The following LAMA2 variants were observed in gnomAD, a reference collection of about 807,000 sequenced individuals.
LAMA2 encodes the protein laminin subunit alpha 2, also known as laminin subunit alpha-2.
LAMA2 carries 269 observed loss-of-function variants against 364.8 expected under a neutral mutation model. That is an observed-to-expected ratio of 0.74 (90% CI 0.67 to 0.82). The LOEUF is 0.82. Among genes scored for constraint, LAMA2 ranks in the 40% least tolerant of loss-of-function variants. LAMA2 has a pLI of 0.00. For missense variants in LAMA2, 3,807 were observed against 3,873.2 expected (o/e 0.98, Z 0.45); for synonymous variants, 1,379 against 1,370.6 (o/e 1.01, Z -0.14).
At chr6:129,338,900 A>T (rs993110407) in intron 29 of LAMA2, among the ~76,000 whole-genome samples, 3 of 148,386 alleles carry the variant, frequency 2.0e-5, no homozygotes, top group Admixed American at 6.7e-5. Flanking sequence ...CCATGTGGCT[A>T]CGGCATTATA....
intron 40 of LAMA2, among the ~76,000 whole-genome samples, chr6:129,410,710 C>T (rs1338456656): frequency 3.2e-4 from 45 of 139,840 alleles, no homozygotes; most frequent in African/African-American, 8.6e-4. Flanking sequence ...GGATGATAGA[C>T]AGATTAGATA....
chr6:129,445,401 T>A (rs191038053), intron 44 of LAMA2, among the ~76,000 whole-genome samples: 1 of 152,342 alleles, frequency 6.6e-6, no homozygotes, highest in African/African-American at 2.4e-5. Flanking sequence ...AATTAAGTTC[T>A]TCATATTCTC....
At chr6:128,990,819 G>A (rs984811095) in intron 1 of LAMA2, among the ~76,000 whole-genome samples, 3 of 152,062 alleles carry the variant, frequency 2.0e-5, no homozygotes, top group Non-Finnish European at 4.4e-5. Flanking sequence ...AGCTGCAAGT[G>A]AAGACTTGTC....
intron 3 of LAMA2, among the ~76,000 whole-genome samples, chr6:129,063,713 G>T (rs1789092845): frequency 6.6e-6 from 1 of 152,092 alleles, no homozygotes; most frequent in South Asian, 2.1e-4. Context: ...CAGCTACAGA[G>T]ATCACACTCC....
At chr6:129,268,565 A>G (rs559939445) in intron 16 of LAMA2, among the ~76,000 whole-genome samples, 93 of 152,204 alleles carry the variant, frequency 6.1e-4, no homozygotes, top group African/African-American at 1.8e-3. Flanking sequence ...AAAGCAAATT[A>G]GTCCATTTGT....
At chr6:129,353,019 A>C in intron 31 of LAMA2, 145 bp from the exon 32 acceptor site, 1 of 585,898 alleles carries the variant, frequency 1.7e-6, no homozygotes, top group African/African-American at 1.9e-5. Context: ...CCTACTGTTT[A>C]CTATCTGACC....
intron 23 of LAMA2, among the ~76,000 whole-genome samples, chr6:129,313,367 TA>T (rs1774353717): frequency 6.6e-6 from 1 of 152,182 alleles, no homozygotes; most frequent in Non-Finnish European, 1.5e-5. Context: ...AGTGATTTTT[TA>T]AAAAATATAT....
At chr6:129,425,292 G>A (rs906990948) in intron 40 of LAMA2, among the ~76,000 whole-genome samples, 1 of 151,986 alleles carries the variant, frequency 6.6e-6, no homozygotes, top group Non-Finnish European at 1.5e-5. Context: ...AACAGTATTA[G>A]TCATCTCTGG....
chr6:129,349,626 T>G (rs940258539), intron 31 of LAMA2, among the ~76,000 whole-genome samples: 1 of 151,276 alleles, frequency 6.6e-6, no homozygotes, highest in Non-Finnish European at 1.5e-5. Flanking sequence ...ATCTAACTTA[T>G]GCTTTAGTAT....
chr6:129,220,981 G>A (rs1455776986), intron 12 of LAMA2, among the ~76,000 whole-genome samples: 1 of 152,048 alleles, frequency 6.6e-6, no homozygotes, highest in Non-Finnish European at 1.5e-5. Context: ...TGCCAACGCG[G>A]TGAAACCCTG....
intron 3 of LAMA2, among the ~76,000 whole-genome samples, chr6:129,089,026 T>C (rs1242674377): frequency 6.6e-6 from 1 of 152,176 alleles, no homozygotes; most frequent in East Asian, 1.9e-4. Context: ...TGGGCAACAT[T>C]GAGCACTGAG....
At chr6:129,386,796 C>A (rs1173830888) in intron 35 of LAMA2, among the ~76,000 whole-genome samples, 1 of 152,098 alleles carries the variant, frequency 6.6e-6, no homozygotes, top group African/African-American at 2.4e-5. Flanking sequence ...TAAAGTAGCA[C>A]ACATACCAAA....
intron 1 of LAMA2, among the ~76,000 whole-genome samples, chr6:128,922,230 G>A (rs1778785186): frequency 6.6e-6 from 1 of 150,982 alleles, no homozygotes; most frequent in African/African-American, 2.4e-5. Context: ...CCCAGTAATG[G>A]GATGGCTGGG....
intron 1 of LAMA2, among the ~76,000 whole-genome samples, chr6:129,016,465 T>A (rs1206301812): frequency 2.0e-5 from 3 of 152,014 alleles, no homozygotes; most frequent in Non-Finnish European, 4.4e-5. Context: ...AAATATTTCA[T>A]AGTATCATAA....
Position 129,342,465 on chromosome 6 carries a change from CAAGT to C in LAMA2, c.4436+2_4436+5del, listed in dbSNP as rs747402508. 1 of 1,612,736 alleles carries C rather than the reference CAAGT, an allele frequency of 6.2e-7. No homozygotes were observed. Among genetic ancestry groups the C allele is most frequent in the Non-Finnish European group, 8.5e-7 (1 of 1,179,060 alleles). ...CCTGCCCTCTGATTTCTTCCAGTAACAAGTAAGATTGAGAAATATAACCATATTT... is the reference window on the plus strand; with the variant it reads ...CCTGCCCTCTGATTTCTTCCAGTAACAAGATTGAGAAATATAACCATATTT... On this transcript the variant is annotated splice_donor_variant and coding_sequence_variant, in exon 30 of 65. Coordinates refer to ENST00000421865, the MANE Select transcript of LAMA2 (RefSeq NM_000426.4). LOFTEE classifies it high-confidence loss of function.
At chr6:129,143,622 G>T (rs1244810558) in intron 4 of LAMA2, among the ~76,000 whole-genome samples, 1 of 151,992 alleles carries the variant, frequency 6.6e-6, no homozygotes, top group Non-Finnish European at 1.5e-5. Flanking sequence ...TCTTAGGAAG[G>T]TCGAATTGAC....
chr6:129,051,997 AG>A (rs1316761912), intron 2 of LAMA2, among the ~76,000 whole-genome samples: 1,181 of 20,022 alleles, frequency 0.059, 15 homozygotes, highest in African/African-American at 0.12. Flanking sequence ...ATATGTATGC[AG>A]GTATATATAT....
At chr6:129,459,515 ACAAGCAAACGACAC>A (rs1034550268) in intron 48 of LAMA2, among the ~76,000 whole-genome samples, 1 of 152,048 alleles carries the variant, frequency 6.6e-6, no homozygotes, top group Non-Finnish European at 1.5e-5. Flanking sequence ...TGCTGTGTAT[ACAAGCAAACGACAC>A]CAATGTGGTC....
chr6:129,084,125 A>G (rs959615411), intron 3 of LAMA2, among the ~76,000 whole-genome samples: 1 of 152,226 alleles, frequency 6.6e-6, no homozygotes, highest in Non-Finnish European at 1.5e-5. Flanking sequence ...TTTAAAATAT[A>G]TATGGAAATG....
Sources: allele counts gnomAD v4.1 joint callset (sites outside exome capture counted in the v4.1 genomes callset), GRCh38; gene constraint gnomAD v4.1.1; transcripts MANE v1.5; gene names NCBI Gene and HGNC (gene_info 2026-07-23, HGNC 2026-07-21).